The following SLC39A11 variants were observed in gnomAD, a reference collection of about 807,000 sequenced individuals.
SLC39A11 encodes the protein zinc transporter ZIP11.
A neutral mutation model predicts 36.1 loss-of-function variants in SLC39A11; 33 were observed. The ratio of observed to expected loss-of-function variants is 0.91; its 90% CI spans 0.69 to 1.22. The LOEUF (loss-of-function observed/expected upper bound fraction) is 1.22. Among genes scored for constraint, SLC39A11 ranks in the 50% most tolerant of loss-of-function variants. The pLI is 0.00. For missense variants in SLC39A11, 432 were observed against 430.3 expected (o/e 1.00, Z -0.03); for synonymous variants, 166 against 170.3 (o/e 0.97, Z 0.20).
chr17:72,939,582 G>A (rs565060539), intron 5 of SLC39A11, among the ~76,000 whole-genome samples: 120 of 152,262 alleles, frequency 7.9e-4, no homozygotes, highest in Non-Finnish European at 1.4e-3. Flanking sequence ...ATGAGACAAA[G>A]GATACGGAGT....
intron 3 of SLC39A11, among the ~76,000 whole-genome samples, chr17:73,036,277 G>A (rs1301255693): frequency 6.6e-6 from 1 of 152,090 alleles, no homozygotes; most frequent in African/African-American, 2.4e-5. Flanking sequence ...TAGCAAAATT[G>A]AGTGGAAAGT....
intron 7 of SLC39A11, among the ~76,000 whole-genome samples, chr17:72,674,220 A>G (rs76757435): frequency 0.039 from 5,876 of 152,130 alleles, 127 homozygotes; most frequent in Middle Eastern, 0.085. Context: ...CCTTCCAAGT[A>G]TCTTCTGCAC....
At chr17:72,653,351 C>T (rs1407074246) in intron 7 of SLC39A11, among the ~76,000 whole-genome samples, 2 of 151,582 alleles carry the variant, frequency 1.3e-5, no homozygotes, top group Non-Finnish European at 2.9e-5. Context: ...TCAGATGATC[C>T]ACCTGCCTCA....
At chr17:73,017,644 C>T (rs1157894032) in intron 4 of SLC39A11, among the ~76,000 whole-genome samples, 2 of 152,004 alleles carry the variant, frequency 1.3e-5, no homozygotes, top group African/African-American at 2.4e-5. Flanking sequence ...ACCTGGGAGG[C>T]GGAGGTTGCG....
At chr17:72,939,296 A>G (rs760690230) in intron 5 of SLC39A11, among the ~76,000 whole-genome samples, 11 of 152,148 alleles carry the variant, frequency 7.2e-5, no homozygotes, top group Non-Finnish European at 1.0e-4. Flanking sequence ...CCCCATCTTT[A>G]CTAAAAATAC....
At chr17:72,880,682 C>T (rs1046625281) in intron 5 of SLC39A11, among the ~76,000 whole-genome samples, 1 of 141,168 alleles carries the variant, frequency 7.1e-6, no homozygotes, top group Non-Finnish European at 1.5e-5. Flanking sequence ...AGATACATGG[C>T]TTTTTTTTTT....
chr17:73,085,400 CT>C (rs2060693623), intron 2 of SLC39A11, among the ~76,000 whole-genome samples: 1 of 152,004 alleles, frequency 6.6e-6, no homozygotes, highest in Non-Finnish European at 1.5e-5. Context: ...AATCCCAGCA[CT>C]TTGCGAGGCC....
At chr17:72,998,736 T>C (rs775444238) in intron 4 of SLC39A11, among the ~76,000 whole-genome samples, 1 of 152,200 alleles carries the variant, frequency 6.6e-6, no homozygotes, top group Non-Finnish European at 1.5e-5. Context: ...GGGGTACACC[T>C]TGCAGTATGA....
chr17:73,009,607 G>T (rs78242198), intron 4 of SLC39A11, among the ~76,000 whole-genome samples: 7 of 152,026 alleles, frequency 4.6e-5, no homozygotes, highest in South Asian at 2.1e-4. Flanking sequence ...GGTTTCCTTG[G>T]GGGGGTGATG....
intron 6 of SLC39A11, among the ~76,000 whole-genome samples, chr17:72,831,416 C>A (rs753573214): frequency 4.7e-4 from 71 of 152,184 alleles, no homozygotes; most frequent in Non-Finnish European, 6.6e-4. Flanking sequence ...CTCAAGCAGG[C>A]TCGTGTCCAT....
intron 7 of SLC39A11, among the ~76,000 whole-genome samples, chr17:72,705,494 TG>T (rs1417842781): frequency 6.6e-6 from 1 of 152,220 alleles, no homozygotes; most frequent in Non-Finnish European, 1.5e-5. Flanking sequence ...TGACACCAGC[TG>T]GCCACTTGTA....
chr17:72,729,807 C>G (rs1389374070), intron 7 of SLC39A11, among the ~76,000 whole-genome samples: 2 of 151,896 alleles, frequency 1.3e-5, no homozygotes, highest in East Asian at 3.9e-4. Context: ...TTGAGAGGAG[C>G]AAAAAGCTTG....
At chr17:72,894,592 CA>C (rs900852394) in intron 5 of SLC39A11, among the ~76,000 whole-genome samples, 11 of 145,964 alleles carry the variant, frequency 7.5e-5, no homozygotes, top group Admixed American at 7.0e-5. Context: ...ATCAATTGAA[CA>C]CAAGAGGTAG....
At chr17:72,906,948 A>C (rs756657359) in intron 5 of SLC39A11, among the ~76,000 whole-genome samples, 4 of 152,202 alleles carry the variant, frequency 2.6e-5, no homozygotes, top group African/African-American at 7.2e-5. Flanking sequence ...GGGCTGCCTA[A>C]TCAAAGCATC....
chr17:72,907,837 C>G (rs1229899869), intron 5 of SLC39A11, among the ~76,000 whole-genome samples: 1 of 152,230 alleles, frequency 6.6e-6, no homozygotes, highest in Non-Finnish European at 1.5e-5. Flanking sequence ...ATATCCCACG[C>G]CACAGACTGC....
rs770619475 is a variant in SLC39A11, at chr17:73,088,615, G to A, written c.108+42C>T. 52 of 1,532,322 alleles carry A rather than the reference G, an allele frequency of 3.4e-5. No homozygotes were observed. The Middle Eastern group carries it at 1.2e-3, about 35-fold the overall frequency. 94.9% of individuals were successfully genotyped at this position (1,532,322 alleles called of 1,614,324 possible). On this transcript the variant is annotated intron_variant, in intron 2 of 9. Transcript: ENST00000255559. ...AGTGGGACAGTGCCCCTTTACCAAC[G>A]GGCTCCCCACCAACATCCAGAACCA...
At chr17:72,839,580 CTTGACT>C (rs1466760808) in intron 6 of SLC39A11, 1 of 152,262 alleles carries the variant, frequency 6.6e-6, no homozygotes, top group Non-Finnish European at 1.5e-5. Context: ...CTTCCAACCC[CTTGACT>C]TTATCACAGT....
chr17:72,942,306 G>C (rs529120070), intron 5 of SLC39A11, among the ~76,000 whole-genome samples: 1 of 152,014 alleles, frequency 6.6e-6, no homozygotes, highest in Non-Finnish European at 1.5e-5. Flanking sequence ...AGATTTTAAA[G>C]TCTCCCCTAA....
At chr17:72,691,763 A>C (rs2072038681) in intron 7 of SLC39A11, among the ~76,000 whole-genome samples, 1 of 151,958 alleles carries the variant, frequency 6.6e-6, no homozygotes, top group Non-Finnish European at 1.5e-5. Context: ...TTCATTTGGG[A>C]ATGTTTTCTC....
Sources: allele counts gnomAD v4.1 joint callset (sites outside exome capture counted in the v4.1 genomes callset), GRCh38; gene constraint gnomAD v4.1.1; transcripts MANE v1.5; gene names NCBI Gene and HGNC (gene_info 2026-07-23, HGNC 2026-07-21).